Variants in PCDH9 observed in about 807,000 individuals in gnomAD.
PCDH9 encodes the protein protocadherin-9.
PCDH9 carries 24 observed loss-of-function variants against 70.6 expected under a neutral mutation model. The ratio of observed to expected loss-of-function variants is 0.34; its 90% CI spans 0.25 to 0.48. PCDH9 has a LOEUF of 0.48. Ranked by LOEUF, PCDH9 falls within the 20% of genes least tolerant of loss-of-function variation. The pLI is 0.99. For missense variants in PCDH9, 1,281 were observed against 1,503.6 expected (o/e 0.85, Z 2.45); for synonymous variants, 562 against 558.5 (o/e 1.01, Z -0.09).
intron 4 of PCDH9, among the ~76,000 whole-genome samples, chr13:66,307,208 G>T (rs1955484063): frequency 1.3e-5 from 2 of 151,996 alleles, no homozygotes; most frequent in South Asian, 4.1e-4. Flanking sequence ...CCGTACATTT[G>T]CAAGTTTTAA....
intron 3 of PCDH9, among the ~76,000 whole-genome samples, chr13:66,708,848 C>G (rs1566519711): frequency 6.6e-6 from 1 of 152,144 alleles, no homozygotes; most frequent in Non-Finnish European, 1.5e-5. Flanking sequence ...CATTCAGCTG[C>G]TTATTTTGAT....
chr13:66,513,461 G>C (rs138929756), intron 4 of PCDH9, among the ~76,000 whole-genome samples: 353 of 152,016 alleles, frequency 2.3e-3, no homozygotes, highest in African/African-American at 8.2e-3. Flanking sequence ...TTCGCTAGCA[G>C]TGTTTTTATG....
intron 3 of PCDH9, among the ~76,000 whole-genome samples, chr13:66,754,290 T>C (rs531795947): frequency 6.6e-6 from 1 of 152,224 alleles, no homozygotes; most frequent in Non-Finnish European, 1.5e-5. Flanking sequence ...GATGGGTTGA[T>C]GGGTGCAGCA....
intron 4 of PCDH9, among the ~76,000 whole-genome samples, chr13:66,337,537 C>G (rs1049417872): frequency 6.6e-6 from 1 of 151,982 alleles, no homozygotes. Flanking sequence ...TCCTGTCATT[C>G]TGTATTTCCA....
rs570416436 is a variant in PCDH9, at chr13:67,057,348, C to A, written c.3037-153743G>T. Among the ~76,000 whole-genome samples, 5 of 151,786 alleles carry A rather than the reference C, an allele frequency of 3.3e-5. No homozygotes were observed. In the South Asian group the frequency reaches 1.0e-3, roughly 32 times the overall value. On this transcript the variant is annotated intron_variant, in intron 2 of 4. Coordinates refer to ENST00000377865, the MANE Select transcript of PCDH9 (RefSeq NM_203487.3). ...AAGAGGTGCTAATGCTGACTTCACA[C>A]CAAAGAGAAGCATGACCTTTAGTCT...
intron 4 of PCDH9, among the ~76,000 whole-genome samples, chr13:66,327,690 C>T (rs1209886242): frequency 6.6e-6 from 1 of 152,068 alleles, no homozygotes; most frequent in Non-Finnish European, 1.5e-5. Flanking sequence ...TTTCTCTGCA[C>T]TTTAAATTCT....
intron 2 of PCDH9, among the ~76,000 whole-genome samples, chr13:67,128,620 C>T (rs2209902): frequency 0.21 from 31,544 of 152,128 alleles, 3,518 homozygotes; most frequent in African/African-American, 0.27. Context: ...TCTGTCATTT[C>T]GCCCACCATT....
chr13:66,725,396 A>G (rs2078993459), intron 3 of PCDH9, among the ~76,000 whole-genome samples: 1 of 152,150 alleles, frequency 6.6e-6, no homozygotes. Flanking sequence ...TGATCTTCTT[A>G]AAGTGTCAGT....
At chr13:66,615,092 C>T (rs2077339599) in intron 4 of PCDH9, among the ~76,000 whole-genome samples, 3 of 152,200 alleles carry the variant, frequency 2.0e-5, no homozygotes, top group Non-Finnish European at 4.4e-5. Flanking sequence ...AATATTTAGG[C>T]TAAATTGTGG....
chr13:66,465,097 G>A (rs113695957), intron 4 of PCDH9, among the ~76,000 whole-genome samples: 4 of 151,798 alleles, frequency 2.6e-5, no homozygotes, highest in Admixed American at 2.6e-4. Flanking sequence ...TTATACATCT[G>A]TACCATCTTG....
At chr13:66,722,804 C>T (rs942643165) in intron 3 of PCDH9, among the ~76,000 whole-genome samples, 11 of 151,822 alleles carry the variant, frequency 7.2e-5, no homozygotes, top group African/African-American at 2.7e-4. Context: ...CCCATCTCTA[C>T]TAAAAATACA....
At chr13:66,669,399 T>C (rs180754622) in intron 3 of PCDH9, among the ~76,000 whole-genome samples, 6 of 152,302 alleles carry the variant, frequency 3.9e-5, no homozygotes, top group Admixed American at 2.0e-4. Context: ...TTAAATTGCG[T>C]GTCCTTGGGG....
chr13:66,948,300 G>A (rs1773649868), intron 2 of PCDH9, among the ~76,000 whole-genome samples: 1 of 152,044 alleles, frequency 6.6e-6, no homozygotes, highest in African/African-American at 2.4e-5. Context: ...AATAGAGTAG[G>A]AATTTAATAG....
chr13:67,167,360 T>G (rs1411642512), intron 2 of PCDH9, among the ~76,000 whole-genome samples: 1 of 152,182 alleles, frequency 6.6e-6, no homozygotes, highest in Admixed American at 6.5e-5. Flanking sequence ...TTTCATAGTA[T>G]GATTGTGCGG....
At chr13:67,177,052 T>A (rs2088481372) in intron 2 of PCDH9, among the ~76,000 whole-genome samples, 1 of 152,102 alleles carries the variant, frequency 6.6e-6, no homozygotes, top group South Asian at 2.1e-4. Flanking sequence ...AATTAAAGTA[T>A]CTATTGTGAA....
intron 3 of PCDH9, among the ~76,000 whole-genome samples, chr13:66,805,686 TATAGAAC>T (rs2139349548): frequency 6.6e-6 from 1 of 152,266 alleles, no homozygotes; most frequent in South Asian, 2.1e-4. Context: ...GAATTGTTGA[TATAGAAC>T]ATAGAAATAT....
At chr13:66,429,071 T>C (rs1957722658) in intron 4 of PCDH9, among the ~76,000 whole-genome samples, 1 of 151,876 alleles carries the variant, frequency 6.6e-6, no homozygotes, top group Non-Finnish European at 1.5e-5. Flanking sequence ...TGCAGTTTTA[T>C]ATTACTGACC....
intron 2 of PCDH9, chr13:67,201,076 C>A (rs1203786301): frequency 1.3e-5 from 2 of 151,962 alleles, no homozygotes; most frequent in African/African-American, 2.4e-5. Context: ...AGAATGTTAT[C>A]CTTAATATAA....
chr13:66,896,081 G>A (rs572210622), intron 3 of PCDH9, among the ~76,000 whole-genome samples: 3 of 152,238 alleles, frequency 2.0e-5, no homozygotes, highest in East Asian at 1.9e-4. Context: ...TGTCAAATGC[G>A]GCTCTTCCTG....
Sources: allele counts gnomAD v4.1 joint callset (sites outside exome capture counted in the v4.1 genomes callset), GRCh38; gene constraint gnomAD v4.1.1; transcripts MANE v1.5; gene names NCBI Gene and HGNC (gene_info 2026-07-23, HGNC 2026-07-21).